The following MRO variants were observed in gnomAD, a reference collection of about 807,000 sequenced individuals.
The protein encoded by MRO is protein maestro.
A neutral mutation model predicts 31.0 loss-of-function variants in MRO; 28 were observed. That is an observed-to-expected ratio of 0.90 (90% CI 0.67 to 1.24). The LOEUF is 1.24. Ranked by LOEUF, MRO falls within the 50% of genes most tolerant of loss-of-function variation. The pLI is 0.00. For synonymous variants in MRO, 108 were observed against 108.4 expected (o/e 1.00, Z 0.02); for missense variants, 332 against 289.2 (o/e 1.15, Z -1.07).
upstream of MRO, chr18:50,820,148 CCTT>C (rs1306798054): frequency 1.6e-6 from 1 of 613,634 alleles, no homozygotes; most frequent in Non-Finnish European, 2.9e-6. Flanking sequence ...GTGGCTGCCT[CCTT>C]CCTTACATAA....
chr18:50,821,689 T>C (rs1286614310), upstream of MRO, among the ~76,000 whole-genome samples: 1 of 152,248 alleles, frequency 6.6e-6, no homozygotes, highest in African/African-American at 2.4e-5. Context: ...GTCTAAAGTT[T>C]CTTTGTATTC....
chr18:50,796,085 G>A lies in MRO; in HGVS notation c.*3252C>T, dbSNP rs570715298. 1 of 152,190 alleles carries A rather than the reference G, an allele frequency of 6.6e-6. No individual in the cohort carries two copies. Among genetic ancestry groups the A allele is most frequent in the South Asian group, 2.1e-4 (1 of 4,810 alleles). 9.4% of individuals were successfully genotyped at this position (152,190 alleles called of 1,614,324 possible). A position where few individuals can be genotyped will look rare whatever the true frequency, so the allele number is the denominator to read the frequency against. Reference sequence around the variant, plus strand: ...TTCTTTCATTCAACTGCTCAATAAGGTTCAAAATTAATGTTCAAAATTAAG... The same window carrying A: ...TTCTTTCATTCAACTGCTCAATAAGATTCAAAATTAATGTTCAAAATTAAG... On this transcript the variant is annotated 3_prime_UTR_variant, in exon 8 of 8. Transcript: ENST00000398439.
chr18:50,798,148 T>A lies in MRO; in HGVS notation c.*1189A>T, dbSNP rs1371294597. ...CCAGAGTTTCTATAGAAGCTTGGGA[T>A]GCAATCTGGTTAGAGGGAGGGTGAG... On this transcript the variant is annotated 3_prime_UTR_variant, in exon 8 of 8. Coordinates refer to ENST00000398439, the MANE Select transcript of MRO (RefSeq NM_031939.6). The A allele has an allele frequency of 3.3e-5, 5 of 152,314 alleles. No individual in the cohort carries two copies. In the East Asian group the frequency reaches 5.8e-4, roughly 18 times the overall value. The allele number at this position is 152,314 out of a possible 1,614,324, so 9.4% of individuals were successfully genotyped here.
At chr18:50,800,882 C>A (rs1258417377) in intron 6 of MRO, among the ~76,000 whole-genome samples, 22 of 88,876 alleles carry the variant, frequency 2.5e-4, no homozygotes, top group African/African-American at 7.8e-4. Context: ...GCAAAACTGT[C>A]TCAAAAAAAA....
chr18:50,807,706 C>T (rs1914082560), intron 3 of MRO, among the ~76,000 whole-genome samples: 1 of 152,210 alleles, frequency 6.6e-6, no homozygotes. Context: ...AGAATGCATG[C>T]ATCTGAGCAT....
intron 5 of MRO, among the ~76,000 whole-genome samples, chr18:50,803,910 G>C (rs1251315345): frequency 2.0e-5 from 3 of 152,362 alleles, no homozygotes. Flanking sequence ...AGAATAACTG[G>C]CAGGCTAACT....
upstream of MRO, among the ~76,000 whole-genome samples, chr18:50,824,939 G>A (rs111682415): frequency 0.12 from 18,677 of 151,104 alleles, 1,196 homozygotes; most frequent in South Asian, 0.15. Context: ...GCCAGGTGTG[G>A]TGGTGCATGC....
upstream of MRO, among the ~76,000 whole-genome samples, chr18:50,824,455 C>T (rs202187220): frequency 1.4e-4 from 20 of 140,946 alleles, no homozygotes; most frequent in South Asian, 3.5e-3. Flanking sequence ...TTTTTTTTTT[C>T]TTTCTTTTTT....
chr18:50,806,577 G>T, intron 4 of MRO, 127 bp downstream of exon 4: 1 of 1,141,184 alleles, frequency 8.8e-7, no homozygotes, highest in Non-Finnish European at 1.3e-6. Context: ...TGCTAAGTGT[G>T]CGGTGGTTTG....
At position 50,798,527 on chromosome 18, in the gene MRO, G is replaced by C. The variant is rs1013884887; in HGVS notation, c.*810C>G. 2 of 152,166 alleles carry C rather than the reference G, an allele frequency of 1.3e-5. No homozygotes were observed. Among genetic ancestry groups the C allele is most frequent in the African/African-American group, 4.8e-5 (2 of 41,436 alleles). The allele number at this position is 152,166 out of a possible 1,614,324, so 9.4% of individuals were successfully genotyped here. On this transcript the variant is annotated 3_prime_UTR_variant, in exon 8 of 8. Transcript: ENST00000398439. ...CTGTTTACTGAGTTATCTGGGGAAA[G>C]TTACCTAATTTCCCTATGTGTTAGC...
chr18:50,807,480 C>G (rs931222293), intron 3 of MRO, among the ~76,000 whole-genome samples: 1 of 152,216 alleles, frequency 6.6e-6, no homozygotes, highest in Non-Finnish European at 1.5e-5. Context: ...CTGCAAACAT[C>G]TAGTACACAT....
chr18:50,803,810 G>A (rs534182422), intron 5 of MRO, among the ~76,000 whole-genome samples: 12 of 152,356 alleles, frequency 7.9e-5, no homozygotes, highest in Non-Finnish European at 8.8e-5. Flanking sequence ...ACGTGGCTCC[G>A]GAGAGAATTA....
At chr18:50,802,091 T>C (rs1170005743) in intron 5 of MRO, among the ~76,000 whole-genome samples, 1 of 152,244 alleles carries the variant, frequency 6.6e-6, no homozygotes, top group Non-Finnish European at 1.5e-5. Context: ...TCTTTCTACA[T>C]CAATACATAA....
At chr18:50,805,005 T>A (rs1913766708) in intron 5 of MRO, 149 bp downstream of exon 5, 1 of 596,382 alleles carries the variant, frequency 1.7e-6, no homozygotes, top group Non-Finnish European at 3.0e-6. Context: ...TTGGCCAGGA[T>A]GGTCTCGATC....
intron 4 of MRO, among the ~76,000 whole-genome samples, chr18:50,806,163 G>A (rs1913903060): frequency 6.6e-6 from 1 of 152,056 alleles, no homozygotes; most frequent in African/African-American, 2.4e-5. Context: ...TTGAACTCCT[G>A]ACTTCAAGTG....
At chr18:50,801,891 C>T (rs1913368496) in intron 5 of MRO, among the ~76,000 whole-genome samples, 1 of 152,180 alleles carries the variant, frequency 6.6e-6, no homozygotes. Context: ...AAAAGTAGGT[C>T]TACTTCCTAC....
intron 2 of MRO, among the ~76,000 whole-genome samples, chr18:50,812,398 AT>A (rs1338109466): frequency 6.6e-6 from 1 of 152,162 alleles, no homozygotes; most frequent in Admixed American, 6.5e-5. Context: ...TTCTTTATAT[AT>A]TCTGAATACT....
At position 50,805,210 on chromosome 18, in the gene MRO, C is replaced by T. The variant is rs143359256; in HGVS notation, c.373G>A (p.Gly125Ser). 1.5e-5 allele frequency: 25 copies of T among 1,613,984 alleles called. No individual in the cohort carries two copies. The African/African-American group carries it at 2.9e-4, about 19-fold the overall frequency. ...TVVLGKIQGK[G>S]LGSFFIDITL... Reference sequence around the variant, plus strand: ...ATATCTATGAAGAAGGAACCCAAACCTTTCCCCTGGATCTTGCCCAGAACG... The same window carrying T: ...ATATCTATGAAGAAGGAACCCAAACTTTTCCCCTGGATCTTGCCCAGAACG... The change falls in exon 5 of 8, where the codon GGT becomes AGT. Residue 125 changes from glycine to serine, a missense_variant. Physicochemically the swap from Gly to Ser is moderately conservative, Grantham distance 56. Coordinates refer to ENST00000398439, the MANE Select transcript of MRO (RefSeq NM_031939.6).
intron 2 of MRO, chr18:50,815,002 A>T (rs964273501): frequency 6.4e-6 from 1 of 156,712 alleles, no homozygotes; most frequent in Non-Finnish European, 1.4e-5. Flanking sequence ...CAGAGGTTGC[A>T]GTGAGCTGAG....
Sources: allele counts gnomAD v4.1 joint callset (sites outside exome capture counted in the v4.1 genomes callset), GRCh38; gene constraint gnomAD v4.1.1; transcripts MANE v1.5; gene names NCBI Gene and HGNC (gene_info 2026-07-23, HGNC 2026-07-21).